The following MOK variants were observed in gnomAD, a reference collection of about 807,000 sequenced individuals.
MOK encodes the protein MAPK/MAK/MRK overlapping kinase.
Under a neutral mutation model 54.2 loss-of-function variants are expected in MOK, and 59 were observed. That is an observed-to-expected ratio of 1.09 (90% CI 0.88 to 1.35). The LOEUF is 1.35. Among genes scored for constraint, MOK ranks in the 40% most tolerant of loss-of-function variants. The pLI is 0.00. For synonymous variants in MOK, 210 were observed against 202.7 expected, an observed-to-expected ratio of 1.04 and a Z score of -0.31; for missense variants, 517 against 526.2, an observed-to-expected ratio of 0.98 and a Z score of 0.17.
rs747881201 is a variant in MOK at position 102,229,460 on chromosome 14, C to T, written c.1179G>A (p.Lys393=). The T allele has an allele frequency of 3.2e-5, 52 of 1,614,094 alleles. No homozygotes were observed. Among genetic ancestry groups the T allele is most frequent in the Non-Finnish European group, 4.4e-5 (52 of 1,180,052 alleles). Residue 393 remains lysine, a synonymous_variant, in exon 11 of 12, where the codon AAG becomes AAA. Coordinates refer to ENST00000361847, the MANE Select transcript of MOK (RefSeq NM_014226.3). Reference sequence around the variant, plus strand: ...AGAGAAGCTGGTTCCGCGCTACCTTCTTGCTCGCAGGGATGCACTTCAAGG... The same window carrying T: ...AGAGAAGCTGGTTCCGCGCTACCTTTTTGCTCGCAGGGATGCACTTCAAGG... The part of the protein sequence containing the change: ...LRPLKCIPAS[K]KTDPQKDLKP...
intron 4 of MOK, among the ~76,000 whole-genome samples, chr14:102,254,290 A>G (rs562386761): frequency 6.6e-6 from 1 of 152,230 alleles, no homozygotes; most frequent in African/African-American, 2.4e-5. Flanking sequence ...GCCTGGCCGC[A>G]ATTAACTTTT....
At position 102,270,398 on chromosome 14, in the gene MOK, G is replaced by A. The variant is rs535612935; in HGVS notation, c.123-4486C>T. Among the ~76,000 whole-genome samples, 11 of 152,238 alleles carry A rather than the reference G, an allele frequency of 7.2e-5. No homozygotes were observed. In the East Asian group the frequency reaches 1.4e-3, roughly 19 times the overall value. ...GGGTGGATCACGAGGTCAGGAGTTC[G>A]AGACCAGCCTGGCCAACACAGTGAA... On this transcript the variant is annotated intron_variant, in intron 2 of 11. Coordinates refer to ENST00000361847, the MANE Select transcript of MOK (RefSeq NM_014226.3).
At chr14:102,225,947 G>GAGAA (rs2153076406), downstream of MOK, 1 of 255,104 alleles carries the variant, frequency 3.9e-6, no homozygotes, top group East Asian at 1.0e-4. Context: ...TCTGGCGTTG[G>GAGAA]AGAATGCACG....
intron 1 of MOK, among the ~76,000 whole-genome samples, chr14:102,287,936 G>A (rs980547923): frequency 8.0e-5 from 12 of 149,450 alleles, no homozygotes; most frequent in Non-Finnish European, 1.8e-4. Flanking sequence ...CCGGGTTCAC[G>A]CCATTCTCCT....
chr14:102,263,270 C>T (rs918951877), intron 4 of MOK, among the ~76,000 whole-genome samples: 7 of 152,086 alleles, frequency 4.6e-5, no homozygotes, highest in African/African-American at 1.7e-4. Context: ...TGGCTGCAGG[C>T]GCTCTGCAGC....
At chr14:102,277,032 T>G (rs2068937068) in intron 2 of MOK, among the ~76,000 whole-genome samples, 1 of 147,758 alleles carries the variant, frequency 6.8e-6, no homozygotes, top group Admixed American at 6.8e-5. Context: ...TTTTTTTTTT[T>G]GTAGAGGAAA....
At chr14:102,275,499 GC>G (rs1309172999) in intron 2 of MOK, among the ~76,000 whole-genome samples, 2 of 149,836 alleles carry the variant, frequency 1.3e-5, no homozygotes, top group African/African-American at 5.0e-5. Context: ...GGGAGGCGGA[GC>G]TTGCAGTGAG....
chr14:102,219,660 G>C (rs1468521196), downstream of MOK, among the ~76,000 whole-genome samples: 1 of 152,242 alleles, frequency 6.6e-6, no homozygotes, highest in Non-Finnish European at 1.5e-5. Flanking sequence ...GGTCCTCTTG[G>C]GTTTTTCACC....
chr14:102,302,361 C>G (rs2030519147), intron 1 of MOK, among the ~76,000 whole-genome samples: 1 of 152,174 alleles, frequency 6.6e-6, no homozygotes, highest in Admixed American at 6.5e-5. Flanking sequence ...GCGTGAGCCA[C>G]TGCACCCGGC....
rs2153078974 is a variant in MOK at position 102,228,936 on chromosome 14, G to A, written c.*353C>T. The A allele has an allele frequency of 7.0e-6, 2 of 286,394 alleles. No individual in the cohort carries two copies. Among genetic ancestry groups the A allele is most frequent in the Non-Finnish European group, 1.3e-5 (2 of 154,224 alleles). 17.7% of individuals were successfully genotyped at this position (286,394 alleles called of 1,614,324 possible). On this transcript the variant is annotated 3_prime_UTR_variant, in exon 12 of 12. Transcript: ENST00000361847. ...CACGACTGACCAGCAGCGCTGGGAA[G>A]GGACACGCAGAACCCACCTTCCAAC...
intron 10 of MOK, 148 bp from the exon 11 acceptor site, chr14:102,229,805 G>A: frequency 1.3e-6 from 1 of 740,806 alleles, no homozygotes; most frequent in South Asian, 1.9e-5. Context: ...CCAGGTCCCA[G>A]ACACCCCAAG....
At position 102,261,696 on chromosome 14, in the gene MOK, G is replaced by A. The variant is rs2067484771; in HGVS notation, c.283+1850C>T. Reference sequence around the variant, plus strand: ...CTACAGACACATGCCACCACGCCCGGCTAATTTGTTTTGTATTTTTAGCAG... The same window carrying A: ...CTACAGACACATGCCACCACGCCCGACTAATTTGTTTTGTATTTTTAGCAG... On this transcript the variant is annotated intron_variant, in intron 4 of 11. Transcript: ENST00000361847. 2.0e-5 allele frequency among the ~76,000 whole-genome samples: 3 copies of A among 151,154 alleles called. 1 individual carries two copies. The South Asian group carries it at 6.3e-4, about 32-fold the overall frequency.
intron 4 of MOK, among the ~76,000 whole-genome samples, chr14:102,261,485 A>G (rs917339445): frequency 7.2e-6 from 1 of 138,558 alleles, no homozygotes; most frequent in African/African-American, 2.7e-5. Flanking sequence ...TCAAGCGTCT[A>G]AACACACAGC....
chr14:102,303,870 C>T (rs987397824), intron 1 of MOK, among the ~76,000 whole-genome samples: 4 of 152,210 alleles, frequency 2.6e-5, no homozygotes, highest in African/African-American at 9.6e-5. Flanking sequence ...ATTCAATGTA[C>T]TGCTCTTGCA....
intron 2 of MOK, among the ~76,000 whole-genome samples, chr14:102,279,847 T>C (rs1417714118): frequency 1.3e-5 from 2 of 151,984 alleles, no homozygotes; most frequent in Non-Finnish European, 2.9e-5. Context: ...TTTAACTTCA[T>C]ATTAACTAAG....
At chr14:102,294,647 A>T (rs927575074) in intron 1 of MOK, among the ~76,000 whole-genome samples, 1 of 151,990 alleles carries the variant, frequency 6.6e-6, no homozygotes, top group Non-Finnish European at 1.5e-5. Context: ...AAATCAAAGG[A>T]GGGATTGGAG....
chr14:102,225,937 T>C, downstream of MOK: 1 of 240,948 alleles, frequency 4.2e-6, no homozygotes, highest in South Asian at 5.8e-5. Flanking sequence ...TTCTTACACT[T>C]CTGGCGTTGG....
rs2153083775 is a variant in MOK at position 102,231,875 on chromosome 14, A to G, written c.867-54T>C. 1 of 1,461,412 alleles carries G rather than the reference A, an allele frequency of 6.8e-7. No homozygotes were observed. The highest frequency in any genetic ancestry group is 1.9e-4 in the Middle Eastern group (1 of 5,226). The allele number at this position is 1,461,412 out of a possible 1,614,324, so 90.5% of individuals were successfully genotyped here. On this transcript the variant is annotated intron_variant, in intron 9 of 11. Coordinates refer to ENST00000361847, the MANE Select transcript of MOK (RefSeq NM_014226.3). This position sits in a 1 kb window ranked among gnomAD's most constrained non-coding sequence, Gnocchi z 4.4. ...GCTCCACTGAGAGCCCGCAGAGCAC[A>G]CGGCCTACTGGCTTCTTTGTCTCCA...
At chr14:102,217,864 G>GTGTC in the MOK span, among the ~76,000 whole-genome samples, 14 of 152,260 alleles carry the variant, frequency 9.2e-5, no homozygotes, top group African/African-American at 3.4e-4. Flanking sequence ...CTCTAAAAAG[G>GTGTC]TGTCGCTTTG....
Sources: gnomAD v4.1 joint callset for allele counts (sites outside exome capture counted in the v4.1 genomes callset) on GRCh38, gnomAD v4.1.1 for gene constraint, Gnocchi (gnomAD v3.1) non-coding constraint, MANE v1.5 for transcripts, NCBI Gene and HGNC (gene_info 2026-07-23, HGNC 2026-07-21) for gene names.